BBS5: variants seen among roughly 807,000 people sequenced by gnomAD.
BBS5 encodes BBSome complex member BBS5.
A neutral mutation model predicts 50.2 loss-of-function variants in BBS5; 39 were observed. That is an observed-to-expected ratio of 0.78 (90% CI 0.60 to 1.01). The LOEUF (loss-of-function observed/expected upper bound fraction) is 1.01. Among genes scored for constraint, BBS5 ranks in the 50% least tolerant of loss-of-function variants. BBS5 has a pLI of 0.00. For synonymous variants in BBS5, 134 were observed against 133.1 expected, an observed-to-expected ratio of 1.01 and a Z score of -0.05; for missense variants, 356 against 401.5, an observed-to-expected ratio of 0.89 and a Z score of 0.97.
At position 169,497,682 on chromosome 2, in the gene BBS5, C is replaced by T. The variant is rs776533440; in HGVS notation, c.674C>T (p.Ser225Phe). The change falls in exon 8 of 12, where the codon TCT becomes TTT. Residue 225 changes from serine to phenylalanine, a missense_variant. By Grantham distance (155) the Ser-to-Phe change is radical. Coordinates refer to ENST00000295240, the MANE Select transcript of BBS5 (RefSeq NM_152384.3). Reference protein sequence around the residue: ...KFGLALVIESSQQSGGYVLGF... With the variant: ...KFGLALVIESFQQSGGYVLGF... ...GGTTTAGCTCTTGTCATAGAAAGCT[C>T]TCAGCAGGTAAGATCTTGTATATTT... The T allele has an allele frequency of 6.9e-6, 11 of 1,585,534 alleles. No homozygotes were observed. Among genetic ancestry groups the T allele is most frequent in the Non-Finnish European group, 6.9e-6 (8 of 1,154,752 alleles).
chr2:169,502,388 G>A (rs2105303204), intron 9 of BBS5, among the ~76,000 whole-genome samples: 1 of 152,210 alleles, frequency 6.6e-6, no homozygotes, highest in South Asian at 2.1e-4. Flanking sequence ...AAACACTAAG[G>A]CTATCCTCAG....
intron 9 of BBS5, 47 bp downstream of exon 9, chr2:169,499,667 T>A (rs751260520): frequency 6.3e-7 from 1 of 1,580,656 alleles, no homozygotes; most frequent in Non-Finnish European, 8.7e-7. Flanking sequence ...CTTTATGCAG[T>A]CTATAAAATT....
intron 9 of BBS5, 40 bp downstream of exon 9, chr2:169,499,660 T>C: frequency 6.3e-7 from 1 of 1,597,568 alleles, no homozygotes; most frequent in South Asian, 1.1e-5. Flanking sequence ...TGCATTGCTT[T>C]ATGCAGTCTA....
chr2:169,490,067 G>T (rs1408330092), intron 5 of BBS5, among the ~76,000 whole-genome samples: 2 of 149,584 alleles, frequency 1.3e-5, no homozygotes, highest in Non-Finnish European at 3.0e-5. Context: ...AGTGGAGACG[G>T]GGTTTCACCA....
chr2:169,488,417 T>C (rs533733372), intron 5 of BBS5, among the ~76,000 whole-genome samples: 2 of 152,356 alleles, frequency 1.3e-5, no homozygotes, highest in South Asian at 4.1e-4. Context: ...AGGCATTAAA[T>C]TCTCATAAGG....
chr2:169,482,463 A>C, intron 2 of BBS5, 130 bp downstream of exon 2: 1 of 746,192 alleles, frequency 1.3e-6, no homozygotes, highest in East Asian at 2.5e-5. Flanking sequence ...TTAAATTCAC[A>C]TAAGACTTTT....
At position 169,493,811 on chromosome 2, in the gene BBS5, A is replaced by G. The variant is rs369075832; in HGVS notation, c.593A>G (p.Asn198Ser). 114 of 1,606,644 alleles carry G rather than the reference A, an allele frequency of 7.1e-5. 1 individual carries two copies. The highest frequency in any genetic ancestry group is 2.4e-5 in the Non-Finnish European group (28 of 1,173,338). ...CATGCAAATATGAATGATAGTTTTA[A>G]TGTCAGTATACCATATCTGCAAATT... ...VWHANMNDSFNVSIPYLQIRS... is the reference protein window; with the variant it reads ...VWHANMNDSFSVSIPYLQIRS... Residue 198 changes from asparagine to serine, a missense_variant, in exon 7 of 12, where the codon AAT becomes AGT. Coordinates refer to ENST00000295240, the MANE Select transcript of BBS5 (RefSeq NM_152384.3).
At chr2:169,482,468 AC>A in intron 2 of BBS5, 135 bp downstream of exon 2, 3 of 728,964 alleles carry the variant, frequency 4.1e-6, no homozygotes, top group Non-Finnish European at 7.4e-6. Context: ...TTCACATAAG[AC>A]TTTTCTCAGA....
chr2:169,489,040 G>A (rs1030081945), intron 5 of BBS5, among the ~76,000 whole-genome samples: 1 of 152,010 alleles, frequency 6.6e-6, no homozygotes, highest in Non-Finnish European at 1.5e-5. Context: ...CACCCAGGCT[G>A]GAGTATAGTG....
At position 169,499,551 on chromosome 2, in the gene BBS5, A is replaced by C; in HGVS notation, c.747A>C (p.Glu249Asp). 6.2e-7 allele frequency: 1 copy of C among 1,613,604 alleles called. No individual in the cohort carries two copies. Among genetic ancestry groups the C allele is most frequent in the Non-Finnish European group, 8.5e-7 (1 of 1,179,534 alleles). ...PVEKLQESVKEINSLHKVYSA... is the reference protein window; with the variant it reads ...PVEKLQESVKDINSLHKVYSA... Reference sequence around the variant, plus strand: ...AAAAACTACAAGAATCAGTTAAGGAAATCAATTCACTTCACAAAGTCTATT... The same window carrying C: ...AAAAACTACAAGAATCAGTTAAGGACATCAATTCACTTCACAAAGTCTATT... Residue 249 changes from glutamate to aspartate, a missense_variant, in exon 9 of 12, where the codon GAA becomes GAC. Glu to Asp is a conservative substitution (Grantham distance 45). Coordinates refer to ENST00000295240, the MANE Select transcript of BBS5 (RefSeq NM_152384.3).
At chr2:169,498,347 T>C (rs567583947) in intron 8 of BBS5, among the ~76,000 whole-genome samples, 221 of 152,248 alleles carry the variant, frequency 1.5e-3, no homozygotes, top group Non-Finnish European at 2.5e-3. Flanking sequence ...AAATTACTTA[T>C]CATCTACATT....
chr2:169,496,880 AC>A (rs1683704378), intron 7 of BBS5, among the ~76,000 whole-genome samples: 1 of 152,130 alleles, frequency 6.6e-6, no homozygotes, highest in Non-Finnish European at 1.5e-5. Context: ...AAAAAAAAAA[AC>A]CTTAAATAGA....
Position 169,505,161 on chromosome 2 carries a change from TG to T in BBS5, c.*581del, listed in dbSNP as rs1203241182. 1 of 619,388 alleles carries T rather than the reference TG, an allele frequency of 1.6e-6. No individual in the cohort carries two copies. Among genetic ancestry groups the T allele is most frequent in the African/African-American group, 1.8e-5 (1 of 54,834 alleles). 38.4% of individuals were successfully genotyped at this position (619,388 alleles called of 1,614,324 possible). A position where few individuals can be genotyped will look rare whatever the true frequency, so the allele number is the denominator to read the frequency against. Reference sequence around the variant, plus strand: ...TGGTGGAGACGGGGTTTCGCTGTGTTGGCCGGGCTGGTCTCCAGCTCCTAAC... The same window carrying T: ...TGGTGGAGACGGGGTTTCGCTGTGTTGCCGGGCTGGTCTCCAGCTCCTAAC... On this transcript the variant is annotated 3_prime_UTR_variant, in exon 12 of 12. Transcript: ENST00000295240.
At position 169,505,008 on chromosome 2, in the gene BBS5, A is replaced by T. The variant is rs1683879111; in HGVS notation, c.*426A>T. The T allele has an allele frequency of 6.2e-7, 1 of 1,605,670 alleles. No individual in the cohort carries two copies. The highest frequency in any genetic ancestry group is 8.5e-7 in the Non-Finnish European group (1 of 1,175,770). ...AAAGAACTTCTTCCCAAAATGGCCGAAGCTGGACTGTACTGCTGCCATCTC... is the reference window on the plus strand; with the variant it reads ...AAAGAACTTCTTCCCAAAATGGCCGTAGCTGGACTGTACTGCTGCCATCTC... On this transcript the variant is annotated 3_prime_UTR_variant, in exon 12 of 12. Transcript: ENST00000295240.
intron 5 of BBS5, among the ~76,000 whole-genome samples, chr2:169,490,487 A>G (rs776840599): frequency 6.6e-6 from 1 of 152,156 alleles, no homozygotes; most frequent in Non-Finnish European, 1.5e-5. Context: ...AAGTGCTGGG[A>G]TTACAGGCGT....
chr2:169,486,463 G>A (rs1241928795), intron 2 of BBS5, among the ~76,000 whole-genome samples: 1 of 152,134 alleles, frequency 6.6e-6, no homozygotes, highest in African/African-American at 2.4e-5. Flanking sequence ...GAGAAATGAA[G>A]TATCTAACTT....
chr2:169,504,172 A>G (rs1683858399), intron 10 of BBS5, 131 bp from the exon 11 acceptor site: 1 of 846,754 alleles, frequency 1.2e-6, no homozygotes, highest in Non-Finnish European at 2.0e-6. Flanking sequence ...GGTGAAAAAA[A>G]CATTACACAG....
intron 11 of BBS5, 25 bp from the exon 12 acceptor site, chr2:169,504,456 T>A: frequency 6.2e-7 from 1 of 1,604,720 alleles, no homozygotes; most frequent in Non-Finnish European, 8.5e-7. Flanking sequence ...TCTATTCCCA[T>A]CTTATCCTCC....
intron 8 of BBS5, among the ~76,000 whole-genome samples, chr2:169,498,806 CAAAA>C (rs368910049): frequency 1.4e-5 from 1 of 72,078 alleles, no homozygotes; most frequent in Non-Finnish European, 3.0e-5. Flanking sequence ...GACTCTGTCT[CAAAA>C]AAAAAAAAAA....
Sources: gnomAD v4.1 joint callset for allele counts (sites outside exome capture counted in the v4.1 genomes callset) on GRCh38, gnomAD v4.1.1 for gene constraint, MANE v1.5 for transcripts, NCBI Gene and HGNC (gene_info 2026-07-23, HGNC 2026-07-21) for gene names.